ARMCX3: variants seen among roughly 807,000 people sequenced by gnomAD.
ARMCX3 encodes armadillo repeat-containing X-linked protein 3.
In ARMCX3, 3 loss-of-function variants were observed where a neutral mutation model predicts 12.6. The observed-to-expected ratio is 0.24, with a 90% CI of 0.11 to 0.61. The LOEUF (loss-of-function observed/expected upper bound fraction) is 0.61. ARMCX3 is among the 20% of genes least tolerant of loss of function. The pLI is 0.88. For missense variants in ARMCX3, 204 were observed against 286.1 expected (o/e 0.71, Z 2.07); for synonymous variants, 102 against 103.1 (o/e 0.99, Z 0.06).
At chrX:101,623,748 C>G (rs782561900) in intron 1 of ARMCX3, 66 bp from the exon 2 acceptor site, 7 of 112,382 alleles carry the variant, frequency 6.2e-5, no homozygotes, top group African/African-American at 1.9e-4. Context: ...GTCTTTCTGC[C>G]TGTGGCTGTG....
At chrX:101,623,571 C>G (rs1476430826) in intron 1 of ARMCX3, 2 of 112,246 alleles carry the variant, frequency 1.8e-5, no homozygotes, top group Admixed American at 1.9e-4. Context: ...AGGGGAATGG[C>G]TGGATATGGG....
Position 101,626,339 on chromosome X carries a change from G to T in ARMCX3, c.*220G>T, listed in dbSNP as rs1331440247. 3 of 315,691 alleles carry T rather than the reference G, an allele frequency of 9.5e-6. No individual in the cohort carries two copies. Among genetic ancestry groups the T allele is most frequent in the Non-Finnish European group, 1.1e-5 (2 of 179,085 alleles). The allele number at this position is 315,691 out of a possible 1,213,427, so 26.0% of individuals were successfully genotyped here. ...AAACATGTTTGTTGCTTTTTATCTC[G>T]CTGCCTAGATTGAAATATTTTGCTA... On this transcript the variant is annotated 3_prime_UTR_variant, in exon 5 of 5. Transcript: ENST00000471229.
rs782505708 is a variant in ARMCX3 at position 101,625,720 on chromosome X, C to T, written c.741C>T (p.Asp247=). 2.6e-6 allele frequency: 3 copies of T among 1,175,346 alleles called. No homozygotes were observed. In the East Asian group the frequency reaches 9.0e-5, roughly 35 times the overall value. ...ACATGCTTGCTAATTCCATTTCTGA[C>T]TTTTTTCGTTTATTTTCAGCGGGAA... is the stretch of plus-strand genomic sequence containing the variant. ...YQHMLANSIS[D]FFRLFSAGNE... The change falls in exon 5 of 5, where the codon GAC becomes GAT. Residue 247 remains aspartate, a synonymous_variant. Transcript: ENST00000471229.
In ARMCX3 at chrX:101,626,839, G is replaced by A. The variant is rs1350806838; in HGVS notation, c.*720G>A. 8.1e-6 allele frequency: 1 copy of A among 123,091 alleles called. No individual in the cohort carries two copies. The highest frequency in any genetic ancestry group is 9.5e-5 in the Admixed American group (1 of 10,549). The allele number at this position is 123,091 out of a possible 1,213,427, so 10.1% of individuals were successfully genotyped here. ...GTGGAGAGTGGGAGTAGATAATTTT[G>A]GAAAGCTGGGTGAAGCCAGTTGTGG... On this transcript the variant is annotated 3_prime_UTR_variant, in exon 5 of 5. Transcript: ENST00000471229.
In ARMCX3 at chrX:101,625,707, A is replaced by G. The variant is rs1556038563; in HGVS notation, c.728A>G (p.Asn243Ser). 2 of 1,179,172 alleles carry G rather than the reference A, an allele frequency of 1.7e-6. No homozygotes were observed. The highest frequency in any genetic ancestry group is 3.6e-5 in the African/African-American group (2 of 55,583). ...VTNEYQHMLANSISDFFRLFS... is the reference protein window; with the variant it reads ...VTNEYQHMLASSISDFFRLFS... The stretch of plus-strand genomic sequence containing the variant: ...AATGAGTATCAGCACATGCTTGCTA[A>G]TTCCATTTCTGACTTTTTTCGTTTA... The change falls in exon 5 of 5, where the codon AAT becomes AGT. Residue 243 changes from asparagine (N) to serine (S), a missense_variant. Physicochemically the swap from Asn to Ser is conservative, Grantham distance 46 (BLOSUM62 1). Transcript: ENST00000471229.
Position 101,624,885 on chromosome X carries a change from C to A in ARMCX3, c.-95C>A. On this transcript the variant is annotated 5_prime_UTR_variant, in exon 5 of 5. Transcript: ENST00000471229. Reference sequence around the variant, plus strand: ...GCCTTGAAGTGGCTGAAGACGATCACCCTCCACAGGCTTGAGCCCAGTCCC... The same window carrying A: ...GCCTTGAAGTGGCTGAAGACGATCAACCTCCACAGGCTTGAGCCCAGTCCC... 2.4e-6 allele frequency: 2 copies of A among 846,654 alleles called. No homozygotes were observed. The highest frequency in any genetic ancestry group is 1.6e-6 in the Non-Finnish European group (1 of 628,469). 69.8% of individuals were successfully genotyped at this position (846,654 alleles called of 1,213,427 possible). A position where few individuals can be genotyped will look rare whatever the true frequency, so the allele number is the denominator to read the frequency against.
At chrX:101,623,624 C>T (rs1293587800) in intron 1 of ARMCX3, 190 bp from the exon 2 acceptor site, 2 of 111,600 alleles carry the variant, frequency 1.8e-5, no homozygotes, top group African/African-American at 3.3e-5. Context: ...AGCAGAACCC[C>T]AAGAGAGGTA....
rs2147359134 is a variant in ARMCX3 at position 101,627,516 on chromosome X, G to A, written c.*1397G>A. The A allele has an allele frequency of 8.1e-6, 1 of 122,962 alleles. No homozygotes were observed. The highest frequency in any genetic ancestry group is 3.7e-4 in the South Asian group (1 of 2,672). The allele number at this position is 122,962 out of a possible 1,213,427, so 10.1% of individuals were successfully genotyped here. On this transcript the variant is annotated 3_prime_UTR_variant, in exon 5 of 5. Transcript: ENST00000471229. ...GACGGTTTTGAAAAAGAAAAGTGTTGGGAATGAAGCAAGTGATTGATTGGA... is the reference window on the plus strand; with the variant it reads ...GACGGTTTTGAAAAAGAAAAGTGTTAGGAATGAAGCAAGTGATTGATTGGA...
chrX:101,624,881 A>G lies in ARMCX3; in HGVS notation c.-99A>G. 1.2e-6 allele frequency: 1 copy of G among 823,358 alleles called. No individual in the cohort carries two copies. Among genetic ancestry groups the G allele is most frequent in the Non-Finnish European group, 1.6e-6 (1 of 609,446 alleles). The allele number at this position is 823,358 out of a possible 1,213,427, so 67.9% of individuals were successfully genotyped here. On this transcript the variant is annotated 5_prime_UTR_variant, in exon 5 of 5. Transcript: ENST00000471229. Reference sequence around the variant, plus strand: ...TGTGGCCTTGAAGTGGCTGAAGACGATCACCCTCCACAGGCTTGAGCCCAG... The same window carrying G: ...TGTGGCCTTGAAGTGGCTGAAGACGGTCACCCTCCACAGGCTTGAGCCCAG...
chrX:101,624,110 T>G (rs782400305), intron 2 of ARMCX3, 48 bp from the exon 3 acceptor site: 97 of 111,484 alleles, frequency 8.7e-4, no homozygotes, highest in African/African-American at 2.8e-3. Context: ...GTAATCCTCC[T>G]CTCTCAACAG....
Position 101,625,955 on chromosome X carries a change from A to T in ARMCX3, c.976A>T (p.Asn326Tyr). Residue 326 changes from asparagine (N) to tyrosine (Y), a missense_variant, in exon 5 of 5, where the codon AAT becomes TAT. By Grantham distance (143) the Asn-to-Tyr change is moderately radical. Transcript: ENST00000471229. ...FKWEENEPTQ[N>Y]QFGEGSLFFF... ...ATGGGAAGAAAATGAACCTACTCAG[A>T]ATCAATTCGGTGAAGGTTCACTTTT... The T allele has an allele frequency of 8.3e-7, 1 of 1,209,237 alleles. No individual in the cohort carries two copies. The highest frequency in any genetic ancestry group is 1.8e-5 in the South Asian group (1 of 56,048).
In ARMCX3 at chrX:101,625,243, C is replaced by A; in HGVS notation, c.264C>A (p.Thr88=). 8.3e-7 allele frequency: 1 copy of A among 1,210,854 alleles called. No individual in the cohort carries two copies. Among genetic ancestry groups the A allele is most frequent in the Non-Finnish European group, 1.1e-6 (1 of 895,059 alleles). Residue 88 remains threonine, a synonymous_variant, in exon 5 of 5, where the codon ACC becomes ACA. Coordinates refer to ENST00000471229, the MANE Select transcript of ARMCX3 (RefSeq NM_177947.3). ...CTCGGATTGGGACTGAAGCTGGAAC[C>A]AGAGCTAGGGCCAGGGCAAGGGCCA... ...PWARIGTEAG[T]RARARARARA...
Position 101,625,134 on chromosome X carries a change from G to C in ARMCX3, c.155G>C (p.Cys52Ser), listed in dbSNP as rs868935240. The C allele has an allele frequency of 8.3e-7, 1 of 1,209,653 alleles. No homozygotes were observed. Among genetic ancestry groups the C allele is most frequent in the Non-Finnish European group, 1.1e-6 (1 of 895,047 alleles). ...GSGDVDDAGD[C>S]SGARYNDWSD... ...GGGGATGTGGATGATGCTGGGGACT[G>C]TTCTGGGGCCAGGTATAATGACTGG... is the stretch of plus-strand genomic sequence containing the variant. The change falls in exon 5 of 5, where the codon TGT becomes TCT. Residue 52 changes from cysteine to serine, a missense_variant. By Grantham distance (112) the Cys-to-Ser change is moderately radical. Transcript: ENST00000471229.
At position 101,626,525 on chromosome X, in the gene ARMCX3, C is replaced by G. The variant is rs1556038909; in HGVS notation, c.*406C>G. On this transcript the variant is annotated 3_prime_UTR_variant, in exon 5 of 5. Coordinates refer to ENST00000471229, the MANE Select transcript of ARMCX3 (RefSeq NM_177947.3). ...CCATCCCTGTCCTTCAGTTTATAAT[C>G]TAGTTGGAGAGATAAGAAACGTACA... 1 of 130,301 alleles carries G rather than the reference C, an allele frequency of 7.7e-6. No individual in the cohort carries two copies. The highest frequency in any genetic ancestry group is 2.6e-4 in the East Asian group (1 of 3,815). The allele number at this position is 130,301 out of a possible 1,213,427, so 10.7% of individuals were successfully genotyped here.
At position 101,626,082 on chromosome X, in the gene ARMCX3, A is replaced by G. The variant is rs1935983965; in HGVS notation, c.1103A>G (p.Lys368Arg). The change falls in exon 5 of 5, where the codon AAA (lysine) becomes AGA (arginine). Residue 368 changes from lysine to arginine, a missense_variant. Transcript: ENST00000471229. ...VKVKVGKFMA[K>R]LAEHMFPKSQ... Reference sequence around the variant, plus strand: ...GTAAAAGTTGGAAAATTCATGGCCAAACTTGCTGAACATATGTTCCCAAAG... The same window carrying G: ...GTAAAAGTTGGAAAATTCATGGCCAGACTTGCTGAACATATGTTCCCAAAG... The G allele has an allele frequency of 8.4e-7, 1 of 1,189,775 alleles. No homozygotes were observed.
rs1156965685 is a variant in ARMCX3 at position 101,624,967 on chromosome X, C to A, written c.-13C>A. 8.0e-6 allele frequency: 9 copies of A among 1,123,437 alleles called. No individual in the cohort carries two copies. The highest frequency in any genetic ancestry group is 1.9e-5 in the African/African-American group (1 of 53,998). The allele number at this position is 1,123,437 out of a possible 1,213,427, so 92.6% of individuals were successfully genotyped here. ...TCTATTCCTTGGTCCCTGCTATTGT[C>A]GGGGACGATTGCATGGGCTACGCCA... On this transcript the variant is annotated 5_prime_UTR_variant, in exon 5 of 5. Coordinates refer to ENST00000471229, the MANE Select transcript of ARMCX3 (RefSeq NM_177947.3).
chrX:101,624,739 C>A, intron 4 of ARMCX3, 95 bp from the exon 5 acceptor site: 1 of 292,146 alleles, frequency 3.4e-6, no homozygotes, highest in Non-Finnish European at 6.0e-6. Flanking sequence ...ACCTAGCATT[C>A]AATTATTATT....
chrX:101,625,258 G>A lies in ARMCX3; in HGVS notation c.279G>A (p.Arg93=), dbSNP rs1556038374. ...AAGCTGGAACCAGAGCTAGGGCCAGGGCAAGGGCCAGGGCTACCCGGGCAC... is the reference window on the plus strand; with the variant it reads ...AAGCTGGAACCAGAGCTAGGGCCAGAGCAAGGGCCAGGGCTACCCGGGCAC... The part of the protein sequence containing the change: ...GTEAGTRARA[R]ARARATRARR... Residue 93 remains arginine (R), a synonymous_variant, in exon 5 of 5, where the codon AGG becomes AGA. Transcript: ENST00000471229. 2 of 1,210,215 alleles carry A rather than the reference G, an allele frequency of 1.7e-6. No individual in the cohort carries two copies. The highest frequency in any genetic ancestry group is 3.5e-5 in the African/African-American group (2 of 57,858).
rs1935964733 is a variant in ARMCX3, at chrX:101,625,117, G to A, written c.138G>A (p.Val46=). Residue 46 remains valine (V), a synonymous_variant, in exon 5 of 5, where the codon GTG becomes GTA. Coordinates refer to ENST00000471229, the MANE Select transcript of ARMCX3 (RefSeq NM_177947.3). ...TGGCTGAGGGTGGATCTGGGGATGT[G>A]GATGATGCTGGGGACTGTTCTGGGG... ...EKMAEGGSGD[V]DDAGDCSGAR... 1.7e-6 allele frequency: 2 copies of A among 1,203,577 alleles called. No individual in the cohort carries two copies. Among genetic ancestry groups the A allele is most frequent in the Non-Finnish European group, 2.2e-6 (2 of 892,909 alleles).
Sources: gnomAD v4.1 joint callset for allele counts on GRCh38, gnomAD v4.1.1 for gene constraint, MANE v1.5 for transcripts, NCBI Gene and HGNC (gene_info 2026-07-23, HGNC 2026-07-21) for gene names.